The following LRFN5 variants were observed in gnomAD, a reference collection of about 807,000 sequenced individuals.
LRFN5 encodes the protein leucine rich repeat and fibronectin type III domain containing 5.
Under a neutral mutation model 45.6 loss-of-function variants are expected in LRFN5, and 24 were observed. The ratio of observed to expected loss-of-function variants is 0.53; its 90% CI spans 0.38 to 0.74. The LOEUF (loss-of-function observed/expected upper bound fraction) is 0.74, where lower values mean the gene tolerates loss of function less well. Among genes scored for constraint, LRFN5 ranks in the 30% least tolerant of loss-of-function variants. LRFN5 has a pLI of 0.00. For missense variants in LRFN5, 776 were observed against 861.5 expected, an observed-to-expected ratio of 0.90 and a Z score of 1.24; for synonymous variants, 340 against 313.8, an observed-to-expected ratio of 1.08 and a Z score of -0.88.
At chr14:41,715,484 T>C (rs1660993692) in intron 1 of LRFN5, among the ~76,000 whole-genome samples, 1 of 152,226 alleles carries the variant, frequency 6.6e-6, no homozygotes, top group Admixed American at 6.5e-5. Flanking sequence ...CCTTATGTGG[T>C]ATCTCACCTT....
At chr14:41,697,487 G>A (rs1461431909) in intron 1 of LRFN5, among the ~76,000 whole-genome samples, 1 of 151,562 alleles carries the variant, frequency 6.6e-6, no homozygotes, top group Non-Finnish European at 1.5e-5. Flanking sequence ...CTATTTCTTC[G>A]AGTTTGGTCA....
intron 1 of LRFN5, among the ~76,000 whole-genome samples, chr14:41,738,016 A>T (rs1884519212): frequency 6.6e-6 from 1 of 152,216 alleles, no homozygotes. Context: ...ATGTGGAACC[A>T]AAAAAGAGCC....
intron 2 of LRFN5, among the ~76,000 whole-genome samples, chr14:41,771,564 T>A (rs1886090141): frequency 6.6e-6 from 1 of 152,034 alleles, no homozygotes; most frequent in South Asian, 2.1e-4. Flanking sequence ...ATACCCTAAG[T>A]CATCACTCTT....
intron 1 of LRFN5, among the ~76,000 whole-genome samples, chr14:41,667,023 CTACTT>C (rs1466692587): frequency 2.6e-5 from 4 of 152,058 alleles, no homozygotes; most frequent in Admixed American, 6.6e-5. Flanking sequence ...TTTTAAAAGT[CTACTT>C]TACAGTCTTA....
chr14:41,898,191 CTCCTAGTTT>C (rs1891000586), intron 4 of LRFN5, among the ~76,000 whole-genome samples: 1 of 152,032 alleles, frequency 6.6e-6, no homozygotes, highest in Non-Finnish European at 1.5e-5. Context: ...TTATCCTTTA[CTCCTAGTTT>C]TCTATCATGT....
intron 2 of LRFN5, among the ~76,000 whole-genome samples, chr14:41,788,320 T>C (rs1597055): frequency 0.68 from 103,983 of 151,926 alleles, 35,853 homozygotes; most frequent in East Asian, 0.92. Flanking sequence ...ACTTCAATTA[T>C]ATGTATGGCA....
intron 1 of LRFN5, among the ~76,000 whole-genome samples, chr14:41,652,603 C>T (rs902037086): frequency 1.3e-5 from 2 of 151,602 alleles, no homozygotes; most frequent in African/African-American, 4.9e-5. Flanking sequence ...CTACTAGGAC[C>T]AGGGAAAACC....
At chr14:41,868,406 C>A (rs1889909197) in intron 2 of LRFN5, among the ~76,000 whole-genome samples, 1 of 152,154 alleles carries the variant, frequency 6.6e-6, no homozygotes, top group African/African-American at 2.4e-5. Flanking sequence ...CACAAAGAAA[C>A]CAATTGAATG....
intron 1 of LRFN5, among the ~76,000 whole-genome samples, chr14:41,625,868 C>T (rs560106658): frequency 5.3e-5 from 8 of 152,134 alleles, no homozygotes; most frequent in African/African-American, 1.7e-4. Flanking sequence ...TCTTATTCTG[C>T]TACTTGATTA....
intron 1 of LRFN5, among the ~76,000 whole-genome samples, chr14:41,631,000 C>G (rs371961871): frequency 6.6e-6 from 1 of 152,064 alleles, no homozygotes; most frequent in African/African-American, 2.4e-5. Context: ...TTTTAATCCT[C>G]CCTCTTTTAA....
chr14:41,697,850 A>G (rs1041637571), intron 1 of LRFN5, among the ~76,000 whole-genome samples: 6 of 152,092 alleles, frequency 3.9e-5, no homozygotes, highest in African/African-American at 1.4e-4. Context: ...ATTTTATTTT[A>G]TATCATAGAT....
At chr14:41,749,791 T>C (rs781562580) in intron 1 of LRFN5, among the ~76,000 whole-genome samples, 3 of 152,148 alleles carry the variant, frequency 2.0e-5, no homozygotes, top group Non-Finnish European at 4.4e-5. Flanking sequence ...ATCCTTCATA[T>C]GTACCTCCAA....
rs1883546279 is a variant in LRFN5, at chr14:41,717,703, A to G, written c.-196-49151A>G. Among the ~76,000 whole-genome samples the G allele has an allele frequency of 2.0e-5, 3 of 152,188 alleles. 1 individual carries two copies. The highest frequency in any genetic ancestry group is 4.1e-4 in the South Asian group (2 of 4,830). On this transcript the variant is annotated intron_variant, in intron 1 of 5. Coordinates refer to ENST00000298119, the MANE Select transcript of LRFN5 (RefSeq NM_152447.5). ...CTAGTTTTTATCATTGAGTGTCTACACTGTGTTAAATCCTGAGGCTGACAT... is the reference window on the plus strand; with the variant it reads ...CTAGTTTTTATCATTGAGTGTCTACGCTGTGTTAAATCCTGAGGCTGACAT...
intron 1 of LRFN5, among the ~76,000 whole-genome samples, chr14:41,690,931 T>C (rs1882353578): frequency 6.6e-6 from 1 of 152,026 alleles, no homozygotes; most frequent in Non-Finnish European, 1.5e-5. Context: ...ATATTTTTAA[T>C]ATTTTTAGGC....
chr14:41,783,509 A>G (rs1886609612), intron 2 of LRFN5, among the ~76,000 whole-genome samples: 2 of 152,056 alleles, frequency 1.3e-5, no homozygotes. Context: ...AAGTTTTTTT[A>G]CAGCTAAAAC....
At chr14:41,669,795 T>C (rs1881078788) in intron 1 of LRFN5, among the ~76,000 whole-genome samples, 1 of 151,914 alleles carries the variant, frequency 6.6e-6, no homozygotes, top group African/African-American at 2.4e-5. Context: ...CAGAAATAAT[T>C]TAAATTTCCA....
chr14:41,715,988 A>G (rs1295909838), intron 1 of LRFN5, among the ~76,000 whole-genome samples: 1 of 152,208 alleles, frequency 6.6e-6, no homozygotes, highest in Non-Finnish European at 1.5e-5. Context: ...CCCAAACTCC[A>G]GTTCTTGACT....
intron 1 of LRFN5, among the ~76,000 whole-genome samples, chr14:41,765,732 C>T (rs1381642825): frequency 1.3e-5 from 2 of 152,142 alleles, no homozygotes; most frequent in Non-Finnish European, 2.9e-5. Context: ...AAAGATACAG[C>T]ATTGATTGAC....
intron 2 of LRFN5, among the ~76,000 whole-genome samples, chr14:41,793,389 A>G (rs1451729934): frequency 6.6e-6 from 1 of 152,072 alleles, no homozygotes; most frequent in Non-Finnish European, 1.5e-5. Context: ...ATGCATGTGT[A>G]TTGTGTTTTT....
Sources: allele counts gnomAD v4.1 joint callset (sites outside exome capture counted in the v4.1 genomes callset), GRCh38; gene constraint gnomAD v4.1.1; transcripts MANE v1.5; gene names NCBI Gene and HGNC (gene_info 2026-07-23, HGNC 2026-07-21).